The following PIEZO2 variants were observed in gnomAD, a reference collection of about 807,000 sequenced individuals.
PIEZO2 encodes the protein piezo-type mechanosensitive ion channel component 2.
Under a neutral mutation model 337.3 loss-of-function variants are expected in PIEZO2, and 172 were observed. The observed-to-expected ratio is 0.51, with a 90% CI of 0.45 to 0.58. PIEZO2 has a LOEUF of 0.58. Ranked by LOEUF, PIEZO2 falls within the 20% of genes least tolerant of loss-of-function variation. The pLI, the probability that PIEZO2 is intolerant of heterozygous loss-of-function variation, is 0.00. For missense variants in PIEZO2, 3,028 were observed against 3,391.3 expected (o/e 0.89, Z 2.66); for synonymous variants, 1,251 against 1,228.5 (o/e 1.02, Z -0.38).
chr18:11,020,659 C>T lies in PIEZO2; in HGVS notation c.161-40999G>A, dbSNP rs185323385. ...AAAATTACATGCCACTAGCCTTTTG[C>T]CAACCACTAAATAGAAGTTAAGTGG... On this transcript the variant is annotated intron_variant, in intron 2 of 55. Transcript: ENST00000674853. 2.4e-4 allele frequency among the ~76,000 whole-genome samples: 36 copies of T among 152,214 alleles called. 1 individual carries two copies. The highest frequency in any genetic ancestry group is 7.7e-4 in the African/African-American group (32 of 41,522).
rs192269497 is a variant in PIEZO2, at chr18:10,979,203, T to C, written c.286+332A>G. 5.9e-5 allele frequency among the ~76,000 whole-genome samples: 9 copies of C among 152,184 alleles called. No homozygotes were observed. Among genetic ancestry groups the C allele is most frequent in the Admixed American group, 2.6e-4 (4 of 15,284 alleles). ...ATCATGTTAGAAATTGTACCTTTTT[T>C]TTTTTTTACTCGCTGTAATGAAAGC... On this transcript the variant is annotated intron_variant, in intron 3 of 55. Coordinates refer to ENST00000674853, the MANE Select transcript of PIEZO2 (RefSeq NM_001378183.1). The surrounding 1 kb of genome is among the most constrained non-coding windows in gnomAD (Gnocchi z 4.0).
rs139073574 is a variant in PIEZO2, at chr18:10,759,485, C to T, written c.3754G>A (p.Val1252Ile). ...FIVRPNPVFL[V>I]YDFMLLLCAS... ...GCCCTGCAGTGGAAACACTTACAGA[C>T]GAGAAACACAGGGTTGGGCCGCACA... Residue 1252 changes from valine (V) to isoleucine (I), a missense_variant, in exon 26 of 56, where the codon GTC becomes ATC. Coordinates refer to ENST00000674853, the MANE Select transcript of PIEZO2 (RefSeq NM_001378183.1). This position sits in a 1 kb window ranked among gnomAD's most constrained non-coding sequence, Gnocchi z 5.5. 3.3e-5 allele frequency: 50 copies of T among 1,536,252 alleles called. No homozygotes were observed. In the East Asian group the frequency reaches 5.1e-4, roughly 16 times the overall value.
At chr18:11,011,039 C>CCAT in intron 2 of PIEZO2, among the ~76,000 whole-genome samples, 1 of 152,190 alleles carries the variant, frequency 6.6e-6, no homozygotes, top group Non-Finnish European at 1.5e-5. Context: ...GGTGTGAAAA[C>CCAT]ACAAAGAAGG....
At chr18:10,904,241 G>A in intron 4 of PIEZO2, among the ~76,000 whole-genome samples, 1 of 152,148 alleles carries the variant, frequency 6.6e-6, no homozygotes, top group South Asian at 2.1e-4. Context: ...GTCATAATGT[G>A]TGCTCAACAA....
intron 1 of PIEZO2, among the ~76,000 whole-genome samples, chr18:11,106,739 A>G (rs1170836641): frequency 2.0e-5 from 3 of 152,152 alleles, no homozygotes; most frequent in Admixed American, 6.5e-5. Context: ...ACAGTGGCAT[A>G]CAGTGAATGC....
intron 27 of PIEZO2, among the ~76,000 whole-genome samples, chr18:10,756,656 G>A (rs1221349176): frequency 2.9e-5 from 4 of 136,830 alleles, no homozygotes; most frequent in Admixed American, 7.3e-5. Flanking sequence ...GGATGAGGAT[G>A]AGCTATGAGG....
chr18:10,874,240 GA>G (rs2042211511), intron 4 of PIEZO2, among the ~76,000 whole-genome samples: 2 of 151,806 alleles, frequency 1.3e-5, no homozygotes, highest in Non-Finnish European at 2.9e-5. Context: ...CATCATCAAG[GA>G]AATGCAAATC....
Position 11,042,906 on chromosome 18 carries a change from A to G in PIEZO2, c.160+23221T>C, listed in dbSNP as rs981145668. Among the ~76,000 whole-genome samples, 4 of 152,230 alleles carry G rather than the reference A, an allele frequency of 2.6e-5. No homozygotes were observed. The South Asian group carries it at 8.3e-4, about 32-fold the overall frequency. The stretch of plus-strand genomic sequence containing the variant: ...TTTATGGTTAAATGAGATACAGAAA[A>G]TACTTCTTCAAAGAAGAATCTGAGG... On this transcript the variant is annotated intron_variant, in intron 2 of 55. Transcript: ENST00000674853.
rs181515542 is a variant in PIEZO2, at chr18:10,946,980, C to T, written c.286+32555G>A. On this transcript the variant is annotated intron_variant, in intron 3 of 55. Coordinates refer to ENST00000674853, the MANE Select transcript of PIEZO2 (RefSeq NM_001378183.1). Reference sequence around the variant, plus strand: ...CCAGCAATTATGAATTATCTTAAAACAAATAAAAAATGGAAAATTTTAATA... The same window carrying T: ...CCAGCAATTATGAATTATCTTAAAATAAATAAAAAATGGAAAATTTTAATA... Among the ~76,000 whole-genome samples, 8 of 150,858 alleles carry T rather than the reference C, an allele frequency of 5.3e-5. No homozygotes were observed. In the East Asian group the frequency reaches 1.6e-3, roughly 30 times the overall value.
rs2040351912 is a variant in PIEZO2 at position 11,131,916 on chromosome 18, G to T, written c.64+16609C>A. 6.6e-6 allele frequency among the ~76,000 whole-genome samples: 1 copy of T among 152,116 alleles called. No homozygotes were observed. The highest frequency in any genetic ancestry group is 2.1e-4 in the South Asian group (1 of 4,826). ...CACCCAATGGGCCCATGAACAAAGGGGCCATGGTGGCAGGGTTGGAGGTTA... is the reference window on the plus strand; with the variant it reads ...CACCCAATGGGCCCATGAACAAAGGTGCCATGGTGGCAGGGTTGGAGGTTA... On this transcript the variant is annotated intron_variant, in intron 1 of 55. Transcript: ENST00000674853. The surrounding 1 kb of genome is among the most constrained non-coding windows in gnomAD (Gnocchi z 5.3).
chr18:11,043,928 C>T (rs2037210366), intron 2 of PIEZO2, among the ~76,000 whole-genome samples: 1 of 152,016 alleles, frequency 6.6e-6, no homozygotes, highest in Non-Finnish European at 1.5e-5. Context: ...CCTGCCTTGG[C>T]CTCCAAAAGT....
chr18:10,703,868 G>A lies in PIEZO2; in HGVS notation c.6258+526C>T, dbSNP rs370752736. 2.4e-4 allele frequency among the ~76,000 whole-genome samples: 37 copies of A among 152,218 alleles called. 1 individual carries two copies. The East Asian group carries it at 4.1e-3, about 17-fold the overall frequency. ...TGCTTGTACAATTTTGTGTTGCGAC[G>A]TATGGAACTTTACGTTTACGTTTAA... On this transcript the variant is annotated intron_variant, in intron 42 of 55. Coordinates refer to ENST00000674853, the MANE Select transcript of PIEZO2 (RefSeq NM_001378183.1).
chr18:10,686,231 G>A (rs922810284), intron 49 of PIEZO2, among the ~76,000 whole-genome samples: 2 of 152,184 alleles, frequency 1.3e-5, no homozygotes, highest in African/African-American at 2.4e-5. Context: ...ATTGTGCAAA[G>A]ATCACTAGCA....
intron 18 of PIEZO2, among the ~76,000 whole-genome samples, chr18:10,776,028 G>A (rs1455267257): frequency 6.6e-6 from 1 of 152,194 alleles, no homozygotes; most frequent in East Asian, 1.9e-4. Context: ...AAAACTGTGT[G>A]CATAAAACAT....
Position 10,867,347 on chromosome 18 carries a change from C to A in PIEZO2, c.492+3906G>T, listed in dbSNP as rs527663822. On this transcript the variant is annotated intron_variant, in intron 5 of 55. Transcript: ENST00000674853. ...TGAACCTCAGAGTTGAGACTTGAAGCACAGCCCATTTGGTCATGTCATGTG... is the reference window on the plus strand; with the variant it reads ...TGAACCTCAGAGTTGAGACTTGAAGAACAGCCCATTTGGTCATGTCATGTG... 3.0e-4 allele frequency among the ~76,000 whole-genome samples: 45 copies of A among 152,268 alleles called. 1 individual carries two copies. The highest frequency in any genetic ancestry group is 9.9e-4 in the African/African-American group (41 of 41,566).
chr18:10,925,638 G>T (rs1246273418), intron 3 of PIEZO2, among the ~76,000 whole-genome samples: 1 of 152,156 alleles, frequency 6.6e-6, no homozygotes, highest in Non-Finnish European at 1.5e-5. Context: ...GGAGTGCAGT[G>T]GCTCAATCTC....
rs76227669 is a variant in PIEZO2 at position 10,787,368 on chromosome 18, C to T, written c.2170-184G>A. The stretch of plus-strand genomic sequence containing the variant: ...ACAGTGGAGTGGTCCTGGGTTAGAA[C>T]CCCAGTTTTATAAATGATTGCTAAC... On this transcript the variant is annotated intron_variant, in intron 15 of 55. Transcript: ENST00000674853. Among the ~76,000 whole-genome samples, 1,290 of 152,256 alleles carry T rather than the reference C, an allele frequency of 8.5e-3. 23 individuals carry two copies. The highest frequency in any genetic ancestry group is 0.03 in the African/African-American group (1,226 of 41,552).
chr18:10,681,846 A>G, intron 50 of PIEZO2, 93 bp from the exon 51 acceptor site: 1 of 1,106,658 alleles, frequency 9.0e-7, no homozygotes, highest in Non-Finnish European at 1.4e-6. Context: ...ATATCAGCCC[A>G]TTTATGTAGG....
At position 10,903,672 on chromosome 18, in the gene PIEZO2, C is replaced by CA. The variant is rs534913375; in HGVS notation, c.329+7513dup. ...TGGGCGACAGAGCAAGACTCCATCT[C>CA]AAAAAAAAAAAGATTCAAACTTCTT... On this transcript the variant is annotated intron_variant, in intron 4 of 55. Coordinates refer to ENST00000674853, the MANE Select transcript of PIEZO2 (RefSeq NM_001378183.1). The surrounding 1 kb of genome is among the most constrained non-coding windows in gnomAD (Gnocchi z 4.1). Among the ~76,000 whole-genome samples the CA allele has an allele frequency of 1.4e-3, 199 of 144,956 alleles. 1 individual carries two copies. The highest frequency in any genetic ancestry group is 4.1e-3 in the African/African-American group (163 of 39,668).
Sources: allele counts gnomAD v4.1 joint callset (sites outside exome capture counted in the v4.1 genomes callset), GRCh38; gene constraint gnomAD v4.1.1; non-coding constraint Gnocchi (gnomAD v3.1); transcripts MANE v1.5; gene names NCBI Gene and HGNC (gene_info 2026-07-23, HGNC 2026-07-21).